KLHL20: variants seen among roughly 807,000 people sequenced by gnomAD.
KLHL20 encodes the protein kelch-like protein 20.
In KLHL20, 29 loss-of-function variants were observed where a neutral mutation model predicts 69.5. The observed-to-expected ratio is 0.42, with a 90% CI of 0.31 to 0.57. KLHL20 has a LOEUF of 0.57. Among genes scored for constraint, KLHL20 ranks in the 20% least tolerant of loss-of-function variants. The probability of loss-of-function intolerance (pLI) is 0.18; values close to 1 mark genes in which losing one functional copy is unlikely to be tolerated. For missense variants in KLHL20, 419 were observed against 776.0 expected (o/e 0.54, Z 5.47); for synonymous variants, 253 against 265.2 (o/e 0.95, Z 0.45).
At chr1:173,764,590 T>G (rs945745725) in intron 7 of KLHL20, among the ~76,000 whole-genome samples, 1 of 152,094 alleles carries the variant, frequency 6.6e-6, no homozygotes, top group African/African-American at 2.4e-5. Flanking sequence ...CTGGATGAGA[T>G]TAGAGACTAT....
intron 7 of KLHL20, among the ~76,000 whole-genome samples, chr1:173,758,958 G>A (rs1363709737): frequency 6.6e-6 from 1 of 152,206 alleles, no homozygotes; most frequent in Non-Finnish European, 1.5e-5. Flanking sequence ...CTTGCAGCTG[G>A]GAGGCGGATA....
In KLHL20 at chr1:173,777,675, G is replaced by T. The variant is rs117224639; in HGVS notation, c.1638+1833G>T. ...CAGCATCAATTGAAATGATTATTTG[G>T]TTTTTGTCCTTCATTCTGTTGATAT... is the stretch of plus-strand genomic sequence containing the variant. On this transcript the variant is annotated intron_variant, in intron 10 of 11. Coordinates refer to ENST00000209884, the MANE Select transcript of KLHL20 (RefSeq NM_014458.4). 2.0e-3 allele frequency among the ~76,000 whole-genome samples: 311 copies of T among 152,242 alleles called. 13 individuals carry two copies. In the East Asian group the frequency reaches 0.054, roughly 26 times the overall value.
chr1:173,727,524 G>A (rs1344823567), intron 2 of KLHL20, among the ~76,000 whole-genome samples: 1 of 152,156 alleles, frequency 6.6e-6, no homozygotes, highest in Admixed American at 6.5e-5. Context: ...CCCACAAAGG[G>A]AAGCCCATCA....
intron 3 of KLHL20, 112 bp downstream of exon 3, chr1:173,734,398 G>A (rs759538796): frequency 3.4e-6 from 3 of 890,184 alleles, no homozygotes; most frequent in Non-Finnish European, 3.7e-6. Flanking sequence ...ACTCATAATA[G>A]CAAATAAATA....
In KLHL20 at chr1:173,755,894, T is replaced by G. The variant is rs377119958; in HGVS notation, c.852-29T>G. 1.9e-3 allele frequency: 2,711 copies of G among 1,439,654 alleles called. 31 individuals carry two copies. The highest frequency in any genetic ancestry group is 0.017 in the South Asian group (1,439 of 85,866). The allele number at this position is 1,439,654 out of a possible 1,614,324, so 89.2% of individuals were successfully genotyped here. A position where few individuals can be genotyped will look rare whatever the true frequency, so the allele number is the denominator to read the frequency against. Reference sequence around the variant, plus strand: ...TTAACTAACAATGTAATTTAGATATTTGGAATAAAGGCAGAATTTTTTCTA... The same window carrying G: ...TTAACTAACAATGTAATTTAGATATGTGGAATAAAGGCAGAATTTTTTCTA... On this transcript the variant is annotated intron_variant, in intron 5 of 11. Transcript: ENST00000209884.
In KLHL20 at chr1:173,760,764, CTT is replaced by C. The variant is rs1647235270; in HGVS notation, c.1151+3607_1151+3608del. On this transcript the variant is annotated intron_variant, in intron 7 of 11. Transcript: ENST00000209884. ...CTGGAAACACATCAAAACAGAACCT[CTT>C]TAAAGCATAAATCACACAGTACCCA... Among the ~76,000 whole-genome samples the C allele has an allele frequency of 2.6e-5, 4 of 152,296 alleles. No homozygotes were observed. In the South Asian group the frequency reaches 8.3e-4, roughly 32 times the overall value.
chr1:173,721,225 G>A (rs1671699861), intron 2 of KLHL20, among the ~76,000 whole-genome samples: 1 of 151,968 alleles, frequency 6.6e-6, no homozygotes, highest in Non-Finnish European at 1.5e-5. Flanking sequence ...GGATAGCTGA[G>A]CTACTCCTTC....
At chr1:173,716,621 C>G (rs935084952) in intron 2 of KLHL20, among the ~76,000 whole-genome samples, 1 of 151,906 alleles carries the variant, frequency 6.6e-6, no homozygotes, top group Non-Finnish European at 1.5e-5. Flanking sequence ...ATAAATAGGC[C>G]CTCCCAACCC....
At chr1:173,742,123 AT>A (rs1672834118) in intron 3 of KLHL20, among the ~76,000 whole-genome samples, 2 of 152,218 alleles carry the variant, frequency 1.3e-5, no homozygotes, top group Non-Finnish European at 2.9e-5. Context: ...CCTTAAACAT[AT>A]GAAATATGCT....
In KLHL20 at chr1:173,730,113, T is replaced by C. The variant is rs537516589; in HGVS notation, c.24-3600T>C. 5.3e-5 allele frequency among the ~76,000 whole-genome samples: 8 copies of C among 152,234 alleles called. No individual in the cohort carries two copies. The South Asian group carries it at 1.5e-3, about 28-fold the overall frequency. ...GAGCCAAATCATGAGTGAACTCCCA[T>C]TCACAATTGCTACAAAGAGAATAAA... On this transcript the variant is annotated intron_variant, in intron 2 of 11. Transcript: ENST00000209884.
intron 3 of KLHL20, among the ~76,000 whole-genome samples, chr1:173,743,534 A>AT (rs147229262): frequency 0.045 from 6,393 of 141,218 alleles, 440 homozygotes; most frequent in African/African-American, 0.15. Context: ...CAAAGTGGTG[A>AT]TTTTAAAAAA....
chr1:173,753,383 T>C (rs1673396166), intron 5 of KLHL20, 76 bp downstream of exon 5: 1 of 1,055,126 alleles, frequency 9.5e-7, no homozygotes, highest in Non-Finnish European at 1.4e-6. Context: ...TTTGTATTGC[T>C]TCCTAAATAT....
At chr1:173,773,628 A>G (rs1648252235) in intron 8 of KLHL20, among the ~76,000 whole-genome samples, 1 of 152,046 alleles carries the variant, frequency 6.6e-6, no homozygotes, top group African/African-American at 2.4e-5. Flanking sequence ...ACGACTAGGA[A>G]AAAAAGACAA....
intron 3 of KLHL20, among the ~76,000 whole-genome samples, chr1:173,744,433 C>T (rs1672967458): frequency 6.6e-6 from 1 of 151,924 alleles, no homozygotes; most frequent in African/African-American, 2.4e-5. Context: ...TTCCAGTTTG[C>T]ATTTGTCTTT....
At chr1:173,735,544 A>C in intron 3 of KLHL20, among the ~76,000 whole-genome samples, 1 of 152,030 alleles carries the variant, frequency 6.6e-6, no homozygotes, top group East Asian at 1.9e-4. Context: ...CTGTTTTACA[A>C]CTTTTTAAAA....
intron 5 of KLHL20, 24 bp downstream of exon 5, chr1:173,753,331 A>G: frequency 1.9e-6 from 3 of 1,539,406 alleles, no homozygotes; most frequent in Non-Finnish European, 2.7e-6. Context: ...TGGATGGGAA[A>G]AATCAACAAC....
At chr1:173,753,817 C>G (rs187861453) in intron 5 of KLHL20, among the ~76,000 whole-genome samples, 2 of 151,810 alleles carry the variant, frequency 1.3e-5, no homozygotes, top group African/African-American at 2.4e-5. Flanking sequence ...GGTTTTTTGA[C>G]GAAAGAAACT....
At chr1:173,766,879 A>G (rs7534982) in intron 8 of KLHL20, among the ~76,000 whole-genome samples, 3,854 of 152,232 alleles carry the variant, frequency 0.025, 176 homozygotes, top group African/African-American at 0.089. Flanking sequence ...AATCAAGCTA[A>G]CTAACATATT....
intron 11 of KLHL20, among the ~76,000 whole-genome samples, chr1:173,783,345 A>G (rs572482315): frequency 6.6e-6 from 1 of 152,256 alleles, no homozygotes; most frequent in South Asian, 2.1e-4. Flanking sequence ...GCTCTGTTTT[A>G]TTGTTACTAT....
Sources: gnomAD v4.1 joint callset for allele counts (sites outside exome capture counted in the v4.1 genomes callset) on GRCh38, gnomAD v4.1.1 for gene constraint, MANE v1.5 for transcripts, NCBI Gene and HGNC (gene_info 2026-07-23, HGNC 2026-07-21) for gene names.